ROR2: variants seen among roughly 807,000 people sequenced by gnomAD.
The protein encoded by ROR2 is ROR family WNT receptor 2.
ROR2 carries 33 observed loss-of-function variants against 74.9 expected under a neutral mutation model. The ratio of observed to expected loss-of-function variants is 0.44; its 90% confidence interval spans 0.33 to 0.59. The LOEUF is 0.59. Ranked by LOEUF, ROR2 falls within the 20% of genes least tolerant of loss-of-function variation. The pLI, the probability that ROR2 is intolerant of heterozygous loss-of-function variation, is 0.02. For missense variants in ROR2, 1,216 were observed against 1,313.8 expected (o/e 0.93, Z 1.15); for synonymous variants, 586 against 558.7 (o/e 1.05, Z -0.69).
At chr9:91,843,508 C>T (rs1011066070) in intron 1 of ROR2, among the ~76,000 whole-genome samples, 2 of 152,176 alleles carry the variant, frequency 1.3e-5, no homozygotes, top group African/African-American at 4.8e-5. Context: ...AGATGAGAGG[C>T]GCAGGTGGGG....
intron 1 of ROR2, among the ~76,000 whole-genome samples, chr9:91,815,661 C>T (rs1827904328): frequency 6.6e-6 from 1 of 152,244 alleles, no homozygotes; most frequent in Non-Finnish European, 1.5e-5. Context: ...TGTGATGGCA[C>T]TGTGACCGTC....
chr9:91,925,490 G>GTA (rs965007134), intron 1 of ROR2, among the ~76,000 whole-genome samples: 14 of 151,768 alleles, frequency 9.2e-5, no homozygotes, highest in Non-Finnish European at 1.0e-4. Flanking sequence ...GTGTGTGTGT[G>GTA]TGTGTGTGCA....
chr9:91,783,921 G>C (rs1432079316), intron 1 of ROR2, among the ~76,000 whole-genome samples: 1 of 152,096 alleles, frequency 6.6e-6, no homozygotes, highest in Admixed American at 6.5e-5. Flanking sequence ...CCAGTCCTCT[G>C]AATGGAAAAG....
chr9:91,758,555 G>C (rs1205822293), intron 2 of ROR2, among the ~76,000 whole-genome samples: 6 of 152,240 alleles, frequency 3.9e-5, no homozygotes, highest in African/African-American at 1.4e-4. Context: ...GCTGCACCCA[G>C]GTCCAGAGCA....
At chr9:91,811,554 C>T (rs761166643) in intron 1 of ROR2, among the ~76,000 whole-genome samples, 2 of 152,216 alleles carry the variant, frequency 1.3e-5, no homozygotes, top group Non-Finnish European at 2.9e-5. Context: ...TAGAGGGAAG[C>T]ACTCATCACC....
At chr9:91,922,125 AAACAAC>A (rs778271624) in intron 1 of ROR2, among the ~76,000 whole-genome samples, 2 of 139,968 alleles carry the variant, frequency 1.4e-5, no homozygotes, top group East Asian at 4.5e-4. Flanking sequence ...CAACAACAAC[AAACAAC>A]AACAACAAAA....
chr9:91,859,907 A>C (rs969766401), intron 1 of ROR2, among the ~76,000 whole-genome samples: 2 of 152,232 alleles, frequency 1.3e-5, no homozygotes, highest in East Asian at 3.9e-4. Context: ...CATCACAAAG[A>C]AAAGCACAAC....
chr9:91,751,734 G>A (rs1825600521), intron 4 of ROR2, among the ~76,000 whole-genome samples: 1 of 152,092 alleles, frequency 6.6e-6, no homozygotes, highest in Admixed American at 6.5e-5. Context: ...GTCAAGAAAT[G>A]TGCAGATACA....
intron 1 of ROR2, among the ~76,000 whole-genome samples, chr9:91,936,232 C>A (rs1831686465): frequency 6.6e-6 from 1 of 152,246 alleles, no homozygotes; most frequent in African/African-American, 2.4e-5. Context: ...GTGTGTTAGC[C>A]TCCTAGGGCT....
chr9:91,862,576 C>T (rs1293120934), intron 1 of ROR2, among the ~76,000 whole-genome samples: 1 of 152,076 alleles, frequency 6.6e-6, no homozygotes, highest in Non-Finnish European at 1.5e-5. Flanking sequence ...GCAGGAGAAT[C>T]GCTTGAGCCC....
intron 1 of ROR2, among the ~76,000 whole-genome samples, chr9:91,909,257 C>T (rs1830892778): frequency 6.6e-6 from 1 of 152,146 alleles, no homozygotes; most frequent in Non-Finnish European, 1.5e-5. Flanking sequence ...ATGCACACCC[C>T]CTCTGCATCC....
chr9:91,848,987 A>G (rs1345065529), intron 1 of ROR2, among the ~76,000 whole-genome samples: 1 of 152,252 alleles, frequency 6.6e-6, no homozygotes, highest in Non-Finnish European at 1.5e-5. Context: ...GACTGCAGTG[A>G]GTCTACAGGG....
chr9:91,783,175 G>C (rs993325363), intron 1 of ROR2, among the ~76,000 whole-genome samples: 2 of 152,136 alleles, frequency 1.3e-5, no homozygotes, highest in African/African-American at 4.8e-5. Context: ...CATAGGATGA[G>C]AGCCCTGATG....
At chr9:91,922,689 G>A (rs538375698) in intron 1 of ROR2, among the ~76,000 whole-genome samples, 1 of 152,072 alleles carries the variant, frequency 6.6e-6, no homozygotes, top group Non-Finnish European at 1.5e-5. Flanking sequence ...TCCTGACCTC[G>A]TGATCCACCT....
chr9:91,755,009 C>T (rs571160675), intron 4 of ROR2, among the ~76,000 whole-genome samples: 13 of 152,178 alleles, frequency 8.5e-5, no homozygotes, highest in South Asian at 4.2e-4. Flanking sequence ...AAAAATTATC[C>T]GGGTGTGTGG....
chr9:91,819,730 GTATC>G (rs1358686795), intron 1 of ROR2, among the ~76,000 whole-genome samples: 2 of 151,160 alleles, frequency 1.3e-5, no homozygotes, highest in East Asian at 3.9e-4. Context: ...TTTTGAGTAT[GTATC>G]TGTGTGTCAT....
rs367760102 is a variant in ROR2 at position 91,723,142 on chromosome 9, G to A, written c.*520C>T. 39 of 160,406 alleles carry A rather than the reference G, an allele frequency of 2.4e-4. 1 individual carries two copies. The South Asian group carries it at 5.8e-3, about 24-fold the overall frequency. 9.9% of individuals were successfully genotyped at this position (160,406 alleles called of 1,614,324 possible). On this transcript the variant is annotated 3_prime_UTR_variant, in exon 9 of 9. Transcript: ENST00000375708. Reference sequence around the variant, plus strand: ...AGCAGAGGGCAGCCTCCGTTCCAGCGAATCTTTGGCTGCTAAAGGGAGAAT... The same window carrying A: ...AGCAGAGGGCAGCCTCCGTTCCAGCAAATCTTTGGCTGCTAAAGGGAGAAT...
intron 1 of ROR2, among the ~76,000 whole-genome samples, chr9:91,823,987 C>T (rs1019835175): frequency 7.9e-5 from 12 of 152,246 alleles, no homozygotes; most frequent in Non-Finnish European, 1.5e-4. Flanking sequence ...CAGCCTGCTT[C>T]TACCTCCACT....
At chr9:91,794,850 A>G (rs7855006) in intron 1 of ROR2, among the ~76,000 whole-genome samples, 14,498 of 152,226 alleles carry the variant, frequency 0.095, 1,124 homozygotes, top group East Asian at 0.29. Context: ...GGCCAGGCGC[A>G]GTGGCTCATA....
Sources: allele counts gnomAD v4.1 joint callset (sites outside exome capture counted in the v4.1 genomes callset), GRCh38; gene constraint gnomAD v4.1.1; transcripts MANE v1.5; gene names NCBI Gene and HGNC (gene_info 2026-07-23, HGNC 2026-07-21).